Variants in RSPO4 observed in about 807,000 individuals in gnomAD.
RSPO4 encodes the protein R-spondin-4.
Under a neutral mutation model 24.8 loss-of-function variants are expected in RSPO4, and 23 were observed. The ratio of observed to expected loss-of-function variants is 0.93; its 90% CI spans 0.67 to 1.31. RSPO4 has a LOEUF of 1.31. Among genes scored for constraint, RSPO4 ranks in the 40% most tolerant of loss-of-function variants. The pLI, the probability that RSPO4 is intolerant of heterozygous loss-of-function variation, is 0.00. For missense variants in RSPO4, 333 were observed against 316.5 expected (o/e 1.05, Z -0.39); for synonymous variants, 141 against 127.4 (o/e 1.11, Z -0.72).
intron 1 of RSPO4, among the ~76,000 whole-genome samples, chr20:973,777 G>A (rs2122227506): frequency 6.6e-6 from 1 of 152,250 alleles, no homozygotes; most frequent in Middle Eastern, 3.4e-3. Context: ...ATAGAGTGCT[G>A]GCCCACTGGA....
At chr20:997,497 A>G (rs1183868038) in intron 1 of RSPO4, among the ~76,000 whole-genome samples, 2 of 152,198 alleles carry the variant, frequency 1.3e-5, no homozygotes, top group Non-Finnish European at 2.9e-5. Context: ...GTTACATTCT[A>G]TTAAGACTCA....
rs755441249 is a variant in RSPO4, at chr20:967,257, C to G, written c.326G>C (p.Arg109Thr). 2.2e-4 allele frequency: 355 copies of G among 1,614,110 alleles called. 1 individual carries two copies. The highest frequency in any genetic ancestry group is 2.9e-4 in the Non-Finnish European group (347 of 1,180,046). ...FSQDFCIRCK[R>T]QFYLYKGKCL... is the part of the protein sequence containing the mutation. ...CTTCCCCTTGTACAAGTAAAACTGC[C>G]TCTTGCACCGGATGCAGAAGTCCTG... The change falls in exon 3 of 5, where the codon AGG (arginine) becomes ACG (threonine). Residue 109 changes from arginine (R) to threonine (T), a missense_variant. Arg to Thr is a moderately conservative substitution (Grantham distance 71, BLOSUM62 -1). Coordinates refer to ENST00000217260, the MANE Select transcript of RSPO4 (RefSeq NM_001029871.4).
intron 1 of RSPO4, among the ~76,000 whole-genome samples, chr20:985,200 C>CCCCT (rs1555796890): frequency 9.1e-6 from 1 of 109,434 alleles, no homozygotes; most frequent in African/African-American, 5.2e-5. Flanking sequence ...TCTATCCATC[C>CCCCT]CCATCCATCC....
intron 1 of RSPO4, among the ~76,000 whole-genome samples, chr20:1,001,192 A>T (rs1985451208): frequency 6.6e-6 from 1 of 152,330 alleles, no homozygotes; most frequent in African/African-American, 2.4e-5. Flanking sequence ...AACCCGTGGC[A>T]TAGTGGCTGG....
At position 976,569 on chromosome 20, in the gene RSPO4, AT is replaced by A. The variant is rs1050870702; in HGVS notation, c.80-8432del. 1.1e-4 allele frequency among the ~76,000 whole-genome samples: 17 copies of A among 150,266 alleles called. No homozygotes were observed. The East Asian group carries it at 1.6e-3, about 14-fold the overall frequency. On this transcript the variant is annotated intron_variant, in intron 1 of 4. Transcript: ENST00000217260. ...CTCAACATGTGCAAGTGATCGCTGT[AT>A]TTTTTTTTTCCATTTCAGGGTTTTG...
At chr20:987,908 C>T (rs910147557) in intron 1 of RSPO4, among the ~76,000 whole-genome samples, 1 of 152,254 alleles carries the variant, frequency 6.6e-6, no homozygotes, top group Admixed American at 6.5e-5. Flanking sequence ...ACTGCAGATA[C>T]ATCAGTGAAT....
At chr20:994,772 C>T (rs1273446132) in intron 1 of RSPO4, among the ~76,000 whole-genome samples, 2 of 152,176 alleles carry the variant, frequency 1.3e-5, no homozygotes, top group African/African-American at 4.8e-5. Flanking sequence ...CCATGTTGGC[C>T]AGGCTGGTCT....
intron 1 of RSPO4, among the ~76,000 whole-genome samples, chr20:968,567 A>G (rs1984308433): frequency 6.6e-6 from 1 of 152,224 alleles, no homozygotes; most frequent in African/African-American, 2.4e-5. Context: ...GCCTGTGTAG[A>G]CTGTTACATG....
rs977537052 is a variant in RSPO4 at position 970,913 on chromosome 20, G to T, written c.80-2775C>A. 1.6e-4 allele frequency among the ~76,000 whole-genome samples: 25 copies of T among 152,146 alleles called. No individual in the cohort carries two copies. The highest frequency in any genetic ancestry group is 2.5e-4 in the Non-Finnish European group (17 of 68,016). On this transcript the variant is annotated intron_variant, in intron 1 of 4. Coordinates refer to ENST00000217260, the MANE Select transcript of RSPO4 (RefSeq NM_001029871.4). The surrounding 1 kb of genome is among the most constrained non-coding windows in gnomAD (Gnocchi z 4.1). ...CTCCAGTGCAGTGGCATGATCCTAA[G>T]CTCACTGCAGCCTCAAATTCCTGGG...
intron 4 of RSPO4, among the ~76,000 whole-genome samples, chr20:960,796 C>T (rs1983971060): frequency 6.6e-6 from 1 of 152,174 alleles, no homozygotes; most frequent in Admixed American, 6.5e-5. Flanking sequence ...CATGGGAGTC[C>T]CCATGGCTTT....
At chr20:992,909 A>G (rs2122267692) in intron 1 of RSPO4, among the ~76,000 whole-genome samples, 1 of 152,354 alleles carries the variant, frequency 6.6e-6, no homozygotes, top group South Asian at 2.1e-4. Flanking sequence ...TCACTCAGCC[A>G]GTAAGTGGCA....
rs1183523543 is a variant in RSPO4 at position 958,917 on chromosome 20, G to C, written c.*1440C>G. ...ATCCCGTTTCTGAGGATTCCGGGGA[G>C]CAGAGCAGGAAGGGGGTGTTATGAT... On this transcript the variant is annotated 3_prime_UTR_variant, in exon 5 of 5. Coordinates refer to ENST00000217260, the MANE Select transcript of RSPO4 (RefSeq NM_001029871.4). The C allele has an allele frequency of 6.6e-6, 1 of 152,612 alleles. No individual in the cohort carries two copies. The highest frequency in any genetic ancestry group is 1.5e-5 in the Non-Finnish European group (1 of 68,388). 9.5% of individuals were successfully genotyped at this position (152,612 alleles called of 1,614,324 possible).
At position 997,638 on chromosome 20, in the gene RSPO4, G is replaced by A. The variant is rs185402506; in HGVS notation, c.79+4448C>T. On this transcript the variant is annotated intron_variant, in intron 1 of 4. Coordinates refer to ENST00000217260, the MANE Select transcript of RSPO4 (RefSeq NM_001029871.4). ...AGCACTCAGGGGACATACTTTGTTC[G>A]TGCCCAGCGATGGCGCCTGCTTGCC... is the stretch of plus-strand genomic sequence containing the variant. Among the ~76,000 whole-genome samples the A allele has an allele frequency of 7.9e-5, 12 of 152,214 alleles. No individual in the cohort carries two copies. In the East Asian group the frequency reaches 1.2e-3, roughly 15 times the overall value.
In RSPO4 at chr20:988,362, G is replaced by A. The variant is rs1375643448; in HGVS notation, c.79+13724C>T. On this transcript the variant is annotated intron_variant, in intron 1 of 4. Coordinates refer to ENST00000217260, the MANE Select transcript of RSPO4 (RefSeq NM_001029871.4). ...TGTGGGGCAGGAGTAGAAGCTGGGA[G>A]CTCAGGGTGTATGGGCTGTGGTCAT... Among the ~76,000 whole-genome samples, 5 of 152,132 alleles carry A rather than the reference G, an allele frequency of 3.3e-5. No homozygotes were observed. The South Asian group carries it at 1.0e-3, about 31-fold the overall frequency.
At chr20:995,924 T>C (rs1048246885) in intron 1 of RSPO4, among the ~76,000 whole-genome samples, 5 of 152,318 alleles carry the variant, frequency 3.3e-5, no homozygotes, top group African/African-American at 1.2e-4. Context: ...TATATGTGCA[T>C]GCACACTCAC....
Position 981,070 on chromosome 20 carries a change from C to T in RSPO4, c.80-12932G>A, listed in dbSNP as rs545978642. ...GATGCTGTTATCATTCCTCATTTTA[C>T]GGTTCAGGAAGTGAAGGCTCAAAGA... On this transcript the variant is annotated intron_variant, in intron 1 of 4. Transcript: ENST00000217260. The surrounding 1 kb of genome is among the most constrained non-coding windows in gnomAD (Gnocchi z 4.6). Among the ~76,000 whole-genome samples, 82 of 152,290 alleles carry T rather than the reference C, an allele frequency of 5.4e-4. No homozygotes were observed. Among genetic ancestry groups the T allele is most frequent in the African/African-American group, 1.6e-3 (67 of 41,558 alleles).
intron 3 of RSPO4, among the ~76,000 whole-genome samples, chr20:965,919 GA>G (rs1984180852): frequency 3.9e-5 from 6 of 152,240 alleles, no homozygotes; most frequent in Admixed American, 3.9e-4. Context: ...GATATTTTCA[GA>G]GTGAATAAAT....
At chr20:972,597 T>C (rs1281409213) in intron 1 of RSPO4, among the ~76,000 whole-genome samples, 4 of 152,228 alleles carry the variant, frequency 2.6e-5, no homozygotes, top group Non-Finnish European at 5.9e-5. Flanking sequence ...AGGGATCTTA[T>C]AGAAAGACAG....
chr20:973,581 C>T (rs1334708127), intron 1 of RSPO4, among the ~76,000 whole-genome samples: 2 of 152,228 alleles, frequency 1.3e-5, no homozygotes, highest in Non-Finnish European at 2.9e-5. Context: ...TCAAACGATT[C>T]TCGTGCCTCA....
Sources: gnomAD v4.1 joint callset for allele counts (sites outside exome capture counted in the v4.1 genomes callset) on GRCh38, gnomAD v4.1.1 for gene constraint, Gnocchi (gnomAD v3.1) non-coding constraint, MANE v1.5 for transcripts, NCBI Gene and HGNC (gene_info 2026-07-23, HGNC 2026-07-21) for gene names.